Variants in VSNL1 observed in about 807,000 individuals in gnomAD.
VSNL1 encodes the protein visinin like 1, also known as visinin-like protein 1.
In VSNL1, 6 loss-of-function variants were observed where a neutral mutation model predicts 20.4. That is an observed-to-expected ratio of 0.29 (90% confidence interval 0.16 to 0.58). VSNL1 has a LOEUF of 0.58. VSNL1 is among the 20% of genes least tolerant of loss of function. The probability of loss-of-function intolerance (pLI) is 0.90; values close to 1 mark genes in which losing one functional copy is unlikely to be tolerated. For missense variants in VSNL1, 100 were observed against 234.5 expected (o/e 0.43, Z 3.75); for synonymous variants, 93 against 86.4 (o/e 1.08, Z -0.42).
At chr2:17,582,123 G>A (rs1664364075) in intron 1 of VSNL1, among the ~76,000 whole-genome samples, 1 of 152,150 alleles carries the variant, frequency 6.6e-6, no homozygotes, top group Admixed American at 6.5e-5. Context: ...CAGAGCAAAA[G>A]GAGCAGCAAA....
chr2:17,569,781 T>G (rs1295152346), intron 1 of VSNL1, among the ~76,000 whole-genome samples: 2 of 152,230 alleles, frequency 1.3e-5, no homozygotes, highest in Non-Finnish European at 2.9e-5. Context: ...CAAGTCTCTA[T>G]TTTTAATTCT....
intron 1 of VSNL1, among the ~76,000 whole-genome samples, chr2:17,569,440 A>G (rs996658864): frequency 1.1e-4 from 17 of 151,946 alleles, no homozygotes; most frequent in African/African-American, 3.9e-4. Context: ...TTTATTCTGA[A>G]TTTTTCAAAT....
chr2:17,656,302 G>GA lies in VSNL1; in HGVS notation c.*914dup, dbSNP rs1302364408. The GA allele has an allele frequency of 6.6e-6, 1 of 151,908 alleles. No homozygotes were observed. Among genetic ancestry groups the GA allele is most frequent in the East Asian group, 1.9e-4 (1 of 5,184 alleles). The allele number at this position is 151,908 out of a possible 1,614,324, so 9.4% of individuals were successfully genotyped here. ...TTGAAGAATTAATGACAACAAAAGG[G>GA]AAAAAAGCAACTTTCCAACTTTTCA... On this transcript the variant is annotated 3_prime_UTR_variant, in exon 4 of 4. Coordinates refer to ENST00000295156, the MANE Select transcript of VSNL1 (RefSeq NM_003385.5).
chr2:17,569,083 A>T (rs1048241781), intron 1 of VSNL1, among the ~76,000 whole-genome samples: 1 of 152,246 alleles, frequency 6.6e-6, no homozygotes, highest in South Asian at 2.1e-4. Flanking sequence ...CGAAATGGGC[A>T]GATCACTGAG....
chr2:17,553,681 A>G lies in VSNL1; in HGVS notation c.-6+12763A>G, dbSNP rs909384950. ...TATGTCAGAACCAAATTTGAATTCT[A>G]ATTCCACTACTTAATGTCTTCTTGG... On this transcript the variant is annotated intron_variant, in intron 1 of 3. Transcript: ENST00000295156. Among the ~76,000 whole-genome samples the G allele has an allele frequency of 3.9e-5, 6 of 152,248 alleles. No homozygotes were observed. In the South Asian group the frequency reaches 8.3e-4, roughly 21 times the overall value.
At chr2:17,543,927 C>T (rs563145571) in intron 1 of VSNL1, among the ~76,000 whole-genome samples, 1 of 152,132 alleles carries the variant, frequency 6.6e-6, no homozygotes, top group Non-Finnish European at 1.5e-5. Flanking sequence ...CAATAACATT[C>T]TATGCCTCCT....
chr2:17,633,348 C>A (rs796750945), intron 2 of VSNL1, among the ~76,000 whole-genome samples: 67 of 50,524 alleles, frequency 1.3e-3, no homozygotes, highest in African/African-American at 1.7e-3. Flanking sequence ...ACTAAAAATA[C>A]AAAAAAAAAA....
At chr2:17,631,904 C>T (rs932472611) in intron 2 of VSNL1, among the ~76,000 whole-genome samples, 3 of 152,094 alleles carry the variant, frequency 2.0e-5, no homozygotes, top group East Asian at 1.9e-4. Context: ...TGTTGTTTTC[C>T]GAGATGTAGT....
Position 17,617,777 on chromosome 2 carries a change from G to A in VSNL1, c.162+25541G>A, listed in dbSNP as rs143760115. On this transcript the variant is annotated intron_variant, in intron 2 of 3. Transcript: ENST00000295156. ...GGCAACTGCCGTTCATCCTCAGCTT[G>A]TCAGGCTGGGCATGCTGGAATTGAA... Among the ~76,000 whole-genome samples the A allele has an allele frequency of 2.6e-4, 40 of 152,206 alleles. 1 individual carries two copies. The East Asian group carries it at 5.2e-3, about 20-fold the overall frequency.
At chr2:17,645,104 G>A (rs1665964506) in intron 2 of VSNL1, among the ~76,000 whole-genome samples, 1 of 152,234 alleles carries the variant, frequency 6.6e-6, no homozygotes, top group Non-Finnish European at 1.5e-5. Context: ...CCTATCAAGA[G>A]CTCTATTTCC....
At position 17,623,170 on chromosome 2, in the gene VSNL1, A is replaced by T. The variant is rs546911938; in HGVS notation, c.163-26240A>T. On this transcript the variant is annotated intron_variant, in intron 2 of 3. Transcript: ENST00000295156. ...TACTTCATAATTATATCAATATCTT[A>T]AAAAAAATTGAATAGATGTAATTAA... is the stretch of plus-strand genomic sequence containing the variant. Among the ~76,000 whole-genome samples the T allele has an allele frequency of 3.2e-4, 48 of 148,136 alleles. No individual in the cohort carries two copies. In the South Asian group the frequency reaches 9.5e-3, roughly 29 times the overall value.
Position 17,619,834 on chromosome 2 carries a change from G to A in VSNL1, c.162+27598G>A, listed in dbSNP as rs77533741. On this transcript the variant is annotated intron_variant, in intron 2 of 3. Transcript: ENST00000295156. ...ATCAGGAATGGTACTAGACACCGGG[G>A]ATTCAAATAATTTGTTTGTTACAGT... Among the ~76,000 whole-genome samples the A allele has an allele frequency of 9.2e-3, 1,395 of 151,650 alleles. 85 individuals carry two copies. In the East Asian group the frequency reaches 0.17, roughly 18 times the overall value.
At chr2:17,654,933 G>A (rs765683524) in intron 3 of VSNL1, among the ~76,000 whole-genome samples, 12 of 152,212 alleles carry the variant, frequency 7.9e-5, no homozygotes, top group Non-Finnish European at 1.3e-4. Flanking sequence ...ACTTACAGGA[G>A]CACGTGCTTC....
chr2:17,639,805 C>A (rs972406829), intron 2 of VSNL1, among the ~76,000 whole-genome samples: 1 of 152,176 alleles, frequency 6.6e-6, no homozygotes, highest in Admixed American at 6.5e-5. Flanking sequence ...AGAAGGGAAG[C>A]CCAATGCCCC....
At chr2:17,541,425 A>G (rs1003170527) in intron 1 of VSNL1, 9 of 152,210 alleles carry the variant, frequency 5.9e-5, no homozygotes, top group African/African-American at 2.2e-4. Context: ...GTTAGTGTTT[A>G]AGATCCACGG....
At chr2:17,578,614 T>G (rs1039340780) in intron 1 of VSNL1, among the ~76,000 whole-genome samples, 1 of 152,212 alleles carries the variant, frequency 6.6e-6, no homozygotes, top group Admixed American at 6.5e-5. Flanking sequence ...ACATGCTACC[T>G]GTGCTCTCAG....
At chr2:17,608,961 T>C (rs1293883921) in intron 2 of VSNL1, among the ~76,000 whole-genome samples, 2 of 152,206 alleles carry the variant, frequency 1.3e-5, no homozygotes, top group Non-Finnish European at 2.9e-5. Flanking sequence ...TGTGTGTGTG[T>C]GCGTGTGTGT....
At chr2:17,582,886 T>C (rs1664383508) in intron 1 of VSNL1, among the ~76,000 whole-genome samples, 1 of 151,950 alleles carries the variant, frequency 6.6e-6, no homozygotes, top group Non-Finnish European at 1.5e-5. Context: ...AATCATATGA[T>C]AATACTGAGT....
intron 2 of VSNL1, among the ~76,000 whole-genome samples, chr2:17,606,285 T>A (rs1470843953): frequency 6.7e-6 from 1 of 149,572 alleles, no homozygotes; most frequent in Admixed American, 6.6e-5. Flanking sequence ...GCTCCTAGGA[T>A]GAAATGCAGA....
Sources: allele counts gnomAD v4.1 joint callset (sites outside exome capture counted in the v4.1 genomes callset), GRCh38; gene constraint gnomAD v4.1.1; transcripts MANE v1.5; gene names NCBI Gene and HGNC (gene_info 2026-07-23, HGNC 2026-07-21).